CTNNA2: variants seen among roughly 807,000 people sequenced by gnomAD.
CTNNA2 encodes the protein catenin alpha-2.
CTNNA2 carries 42 observed loss-of-function variants against 101.0 expected under a neutral mutation model. That is an observed-to-expected ratio of 0.42 (90% CI 0.32 to 0.54). The LOEUF (loss-of-function observed/expected upper bound fraction) is 0.54. CTNNA2 is among the 20% of genes least tolerant of loss of function. CTNNA2 has a pLI of 0.14. For missense variants in CTNNA2, 871 were observed against 1,223.1 expected (o/e 0.71, Z 4.29); for synonymous variants, 450 against 456.4 (o/e 0.99, Z 0.18).
intron 4 of CTNNA2, among the ~76,000 whole-genome samples, chr2:79,465,343 A>G (rs572957413): frequency 6.6e-6 from 1 of 152,056 alleles, no homozygotes; most frequent in East Asian, 1.9e-4. Context: ...ATTGATCTCT[A>G]TTTCTGTTTT....
chr2:80,391,859 T>C (rs1677546270), intron 7 of CTNNA2, among the ~76,000 whole-genome samples: 1 of 152,214 alleles, frequency 6.6e-6, no homozygotes, highest in Admixed American at 6.5e-5. Context: ...AGTGTCTACA[T>C]CTGAAAGAGT....
chr2:79,962,700 A>G (rs1314201625), intron 7 of CTNNA2, among the ~76,000 whole-genome samples: 2 of 152,116 alleles, frequency 1.3e-5, no homozygotes, highest in African/African-American at 2.4e-5. Flanking sequence ...TTTTAGTTTG[A>G]TAGATATGAT....
At chr2:80,271,950 G>T (rs547324079) in intron 7 of CTNNA2, among the ~76,000 whole-genome samples, 1 of 152,300 alleles carries the variant, frequency 6.6e-6, no homozygotes, top group East Asian at 1.9e-4. Context: ...TTTAGTGAGT[G>T]CTTTCTGCCT....
intron 3 of CTNNA2, among the ~76,000 whole-genome samples, chr2:79,358,654 A>G (rs1354464133): frequency 3.3e-5 from 5 of 152,250 alleles, no homozygotes; most frequent in Admixed American, 3.3e-4. Context: ...TTGGAGGCCA[A>G]GGACCAAAGT....
intron 17 of CTNNA2, among the ~76,000 whole-genome samples, chr2:80,615,532 A>G (rs1319960299): frequency 7.9e-6 from 1 of 125,982 alleles, no homozygotes; most frequent in Non-Finnish European, 1.7e-5. Context: ...TAGACTGTGT[A>G]GTCTATGTTT....
chr2:80,435,872 G>C (rs1304103928), intron 9 of CTNNA2, among the ~76,000 whole-genome samples: 1 of 152,148 alleles, frequency 6.6e-6, no homozygotes, highest in East Asian at 1.9e-4. Flanking sequence ...CTTTCATACA[G>C]TTAGCATCTT....
At chr2:79,720,852 T>C (rs997301628) in intron 2 of CTNNA2, among the ~76,000 whole-genome samples, 3 of 152,112 alleles carry the variant, frequency 2.0e-5, no homozygotes, top group African/African-American at 7.2e-5. Flanking sequence ...CCTATTTGGA[T>C]GCTTTTCTTT....
chr2:80,337,081 C>T (rs1021598789), intron 7 of CTNNA2, among the ~76,000 whole-genome samples: 1 of 152,114 alleles, frequency 6.6e-6, no homozygotes, highest in Non-Finnish European at 1.5e-5. Flanking sequence ...CAGAGCTGGG[C>T]ACGGTGGCTT....
chr2:79,365,964 G>A (rs1677740897), intron 3 of CTNNA2, among the ~76,000 whole-genome samples: 2 of 152,204 alleles, frequency 1.3e-5, no homozygotes, highest in African/African-American at 4.8e-5. Flanking sequence ...AGGTTACCCG[G>A]TGAGGGTTAA....
intron 7 of CTNNA2, among the ~76,000 whole-genome samples, chr2:80,178,227 A>G (rs941303398): frequency 1.3e-5 from 2 of 152,202 alleles, no homozygotes; most frequent in African/African-American, 2.4e-5. Flanking sequence ...GTACATACAT[A>G]TCATTTACAT....
intron 17 of CTNNA2, among the ~76,000 whole-genome samples, chr2:80,611,042 C>T (rs570275502): frequency 6.6e-6 from 1 of 150,950 alleles, no homozygotes; most frequent in Non-Finnish European, 1.5e-5. Context: ...CCTGTCTCAA[C>T]CAAAAAGTGA....
At chr2:80,454,343 G>A (rs948239141) in intron 9 of CTNNA2, among the ~76,000 whole-genome samples, 6 of 152,168 alleles carry the variant, frequency 3.9e-5, no homozygotes, top group Non-Finnish European at 7.3e-5. Flanking sequence ...CCTGGAAGCA[G>A]TACGATGCAG....
chr2:79,584,721 T>C (rs564410604), intron 1 of CTNNA2, among the ~76,000 whole-genome samples: 8 of 152,208 alleles, frequency 5.3e-5, no homozygotes, highest in Non-Finnish European at 1.0e-4. Context: ...GGTTTCACCA[T>C]GTTGTCCAGG....
intron 1 of CTNNA2, among the ~76,000 whole-genome samples, chr2:79,193,930 T>A (rs1673924510): frequency 6.6e-6 from 1 of 152,212 alleles, no homozygotes; most frequent in African/African-American, 2.4e-5. Flanking sequence ...ACGACATTGC[T>A]TTGCACATAG....
chr2:80,509,461 T>A (rs1688532086), intron 9 of CTNNA2, among the ~76,000 whole-genome samples: 1 of 152,172 alleles, frequency 6.6e-6, no homozygotes. Context: ...GATGCTCTTA[T>A]GGTATAAGTG....
At chr2:79,842,217 G>A (rs1436262976) in intron 3 of CTNNA2, among the ~76,000 whole-genome samples, 2 of 152,158 alleles carry the variant, frequency 1.3e-5, no homozygotes, top group African/African-American at 4.8e-5. Flanking sequence ...AACCATGTGT[G>A]TTATTTTAGA....
rs147083475 is a variant in CTNNA2, at chr2:79,883,519, G to A, written c.852+9177G>A. ...TGGAAAACTCAGCCTCTGTTTAGAT[G>A]TGGCAGCTTGAGATGGTCAATTTTA... On this transcript the variant is annotated intron_variant, in intron 6 of 18. Coordinates refer to ENST00000402739, the MANE Select transcript of CTNNA2 (RefSeq NM_001282597.3). Among the ~76,000 whole-genome samples, 465 of 152,310 alleles carry A rather than the reference G, an allele frequency of 3.1e-3. 4 individuals are homozygous for A. The highest frequency in any genetic ancestry group is 0.011 in the African/African-American group (437 of 41,570).
upstream of CTNNA2, among the ~76,000 whole-genome samples, chr2:79,510,506 A>G (rs750928405): frequency 5.3e-5 from 8 of 152,204 alleles, no homozygotes; most frequent in Non-Finnish European, 8.8e-5. Flanking sequence ...TGGATTTTCC[A>G]TAGGGTAGAC....
chr2:80,096,263 T>G (rs1001555630), intron 7 of CTNNA2, among the ~76,000 whole-genome samples: 1 of 152,198 alleles, frequency 6.6e-6, no homozygotes, highest in Non-Finnish European at 1.5e-5. Flanking sequence ...TGTTACATAC[T>G]CAGTAGTCGT....
Sources: allele counts gnomAD v4.1 joint callset (sites outside exome capture counted in the v4.1 genomes callset), GRCh38; gene constraint gnomAD v4.1.1; transcripts MANE v1.5; gene names NCBI Gene and HGNC (gene_info 2026-07-23, HGNC 2026-07-21).